Variants in MPRIP observed in about 807,000 individuals in gnomAD.
MPRIP encodes myosin phosphatase Rho interacting protein, also known as myosin phosphatase Rho-interacting protein.
Under a neutral mutation model 234.9 loss-of-function variants are expected in MPRIP, and 59 were observed. That is an observed-to-expected ratio of 0.25 (90% CI 0.20 to 0.31). The LOEUF (loss-of-function observed/expected upper bound fraction) is 0.31. Among genes scored for constraint, MPRIP ranks in the 10% least tolerant of loss-of-function variants. The pLI is 1.00. For synonymous variants in MPRIP, 1,144 were observed against 1,263.9 expected (o/e 0.91, Z 2.01); for missense variants, 2,436 against 3,071.0 (o/e 0.79, Z 4.89).
At chr17:17,112,005 G>T (rs998008858) in intron 3 of MPRIP, among the ~76,000 whole-genome samples, 11 of 152,148 alleles carry the variant, frequency 7.2e-5, no homozygotes, top group African/African-American at 2.4e-4. Context: ...ACAGTCGTCG[G>T]CACCCCACAG....
At chr17:17,153,807 T>TG (rs1050197743) in intron 12 of MPRIP, among the ~76,000 whole-genome samples, 8 of 152,114 alleles carry the variant, frequency 5.3e-5, no homozygotes, top group African/African-American at 1.9e-4. Flanking sequence ...AACAAGACCC[T>TG]GATACCCCTT....
At chr17:17,088,445 A>T (rs979876177) in intron 3 of MPRIP, among the ~76,000 whole-genome samples, 2 of 152,260 alleles carry the variant, frequency 1.3e-5, no homozygotes, top group African/African-American at 4.8e-5. Flanking sequence ...CTAATTAAGT[A>T]AGAGCGGGGA....
At chr17:17,055,602 G>T (rs981864056) in intron 1 of MPRIP, among the ~76,000 whole-genome samples, 1 of 152,180 alleles carries the variant, frequency 6.6e-6, no homozygotes, top group African/African-American at 2.4e-5. Flanking sequence ...TAAACAGGAG[G>T]AGTCTCTTCT....
chr17:17,162,363 C>G (rs1344269698), intron 15 of MPRIP, among the ~76,000 whole-genome samples: 1 of 152,236 alleles, frequency 6.6e-6, no homozygotes, highest in African/African-American at 2.4e-5. Flanking sequence ...GTGCGCTGAC[C>G]TTGGTCTGAG....
intron 3 of MPRIP, among the ~76,000 whole-genome samples, chr17:17,079,380 C>T (rs1430486905): frequency 6.6e-6 from 1 of 152,234 alleles, no homozygotes; most frequent in Admixed American, 6.5e-5. Context: ...AGGTGAGCAC[C>T]GATTGTGGAC....
chr17:17,142,264 G>A (rs1205160140), intron 7 of MPRIP: 2 of 216,074 alleles, frequency 9.3e-6, no homozygotes, highest in East Asian at 2.4e-4. Context: ...GATCCATGAG[G>A]GATGCAATGA....
At chr17:17,072,456 G>T (rs527628786) in intron 1 of MPRIP, among the ~76,000 whole-genome samples, 9 of 152,330 alleles carry the variant, frequency 5.9e-5, no homozygotes, top group African/African-American at 1.9e-4. Flanking sequence ...TGGGGTGGGG[G>T]TGGGGGGCAA....
chr17:17,056,192 G>C (rs141576943), intron 1 of MPRIP, among the ~76,000 whole-genome samples: 1 of 152,074 alleles, frequency 6.6e-6, no homozygotes, highest in Non-Finnish European at 1.5e-5. Flanking sequence ...CCCTTTTTTT[G>C]CTCCTCCTTC....
At chr17:17,111,838 T>A (rs2144288004) in intron 3 of MPRIP, among the ~76,000 whole-genome samples, 1 of 152,118 alleles carries the variant, frequency 6.6e-6, no homozygotes, top group African/African-American at 2.4e-5. Flanking sequence ...GCCCACTCAC[T>A]CTCTGTTCCC....
chr17:17,139,613 CGAAG>C (rs1229749378), intron 7 of MPRIP, among the ~76,000 whole-genome samples: 1 of 152,194 alleles, frequency 6.6e-6, no homozygotes, highest in Non-Finnish European at 1.5e-5. Context: ...TCCCGTGCCT[CGAAG>C]GGCAGGTGGA....
At position 17,164,691 on chromosome 17, in the gene MPRIP, C is replaced by G. The variant is rs2045944209; in HGVS notation, c.3100C>G (p.Gln1034Glu). 1.6e-6 allele frequency: 2 copies of G among 1,268,864 alleles called. No individual in the cohort carries two copies. The highest frequency in any genetic ancestry group is 1.6e-5 in the African/African-American group (1 of 64,000). The allele number at this position is 1,268,864 out of a possible 1,614,324, so 78.6% of individuals were successfully genotyped here. A position where few individuals can be genotyped will look rare whatever the true frequency, so the allele number is the denominator to read the frequency against. ...LLLESCEKEK[Q>E]ALLQNLKEVE... ...GCTGGAGAGCTGTGAGAAGGAGAAG[C>G]AGGCATTGCTGCAGAACCTAAAGGA... The change falls in exon 16 of 24, where the codon CAG (glutamine) becomes GAG (glutamate). Residue 1034 changes from glutamine to glutamate, a missense_variant. Around this residue, in one of 4 missense-constraint regions of MPRIP, gnomAD observed 1,998 missense variants for 2,520.3 expected, o/e 0.79. Coordinates refer to ENST00000651222, the MANE Select transcript of MPRIP (RefSeq NM_001364716.4).
Position 17,174,020 on chromosome 17 carries a change from G to A in MPRIP, c.6695G>A (p.Arg2232Gln), listed in dbSNP as rs760896387. The A allele has an allele frequency of 2.9e-5, 47 of 1,613,392 alleles. No individual in the cohort carries two copies. The highest frequency in any genetic ancestry group is 1.6e-4 in the Middle Eastern group (1 of 6,084). ...CTGGCCCAGGCGCTGGAGGCCGAGC[G>A]GCAGGCCCTGCGGCAGTGCCAGCGT... ...AHLAQALEAE[R>Q]QALRQCQREN... is the part of the protein sequence containing the mutation. The change falls in exon 19 of 24, where the codon CGG becomes CAG. Residue 2232 changes from arginine (R) to glutamine (Q), a missense_variant. Physicochemically the swap from Arg to Gln is conservative, Grantham distance 43. This residue lies in a region of MPRIP where 1,998 missense variants were observed against 2,520.3 expected (regional missense o/e 0.79). Transcript: ENST00000651222.
At chr17:17,046,913 C>T (rs908919771) in intron 1 of MPRIP, among the ~76,000 whole-genome samples, 3 of 152,230 alleles carry the variant, frequency 2.0e-5, no homozygotes, top group African/African-American at 7.2e-5. Context: ...CGCAGTGGCT[C>T]ATGCCTGTAA....
At chr17:17,099,547 A>T (rs2144206375) in intron 3 of MPRIP, among the ~76,000 whole-genome samples, 1 of 152,268 alleles carries the variant, frequency 6.6e-6, no homozygotes, top group East Asian at 1.9e-4. Flanking sequence ...GCAACATAGC[A>T]AGACCGCTGT....
intron 6 of MPRIP, among the ~76,000 whole-genome samples, chr17:17,137,512 C>CA (rs35313745): frequency 0.58 from 72,754 of 126,128 alleles, 22,363 homozygotes; most frequent in East Asian, 0.72. Flanking sequence ...GATTGCATCT[C>CA]AAAAAAAAAA....
In MPRIP at chr17:17,166,847, A is replaced by G. The variant is rs1429960383; in HGVS notation, c.5256A>G (p.Glu1752=). The G allele has an allele frequency of 7.7e-7, 1 of 1,304,140 alleles. No individual in the cohort carries two copies. Among genetic ancestry groups the G allele is most frequent in the Non-Finnish European group, 1.0e-6 (1 of 988,932 alleles). The allele number at this position is 1,304,140 out of a possible 1,614,324, so 80.8% of individuals were successfully genotyped here. ...CCTGGGACCTGAGCCCCTTAGGAGA[A>G]GTCCTGGGCCGAGACTCAGACAGCT... ...QLSWDLSPLG[E]VLGRDSDSSQ... The change falls in exon 16 of 24, where the codon GAA becomes GAG. Residue 1752 remains glutamate (E), a synonymous_variant. Transcript: ENST00000651222. The surrounding 1 kb of genome is among the most constrained non-coding windows in gnomAD (Gnocchi z 4.4).
chr17:17,130,296 G>A (rs1187128253), intron 4 of MPRIP, among the ~76,000 whole-genome samples: 2 of 152,092 alleles, frequency 1.3e-5, no homozygotes, highest in Non-Finnish European at 2.9e-5. Context: ...TCAGAAGCCA[G>A]TGATTGTGAC....
At chr17:17,050,438 G>A (rs1465855068) in intron 1 of MPRIP, among the ~76,000 whole-genome samples, 7 of 151,744 alleles carry the variant, frequency 4.6e-5, no homozygotes, top group Non-Finnish European at 7.4e-5. Context: ...TTACGTTACA[G>A]CACATTTCAG....
chr17:17,083,807 G>T (rs781225066), intron 3 of MPRIP, among the ~76,000 whole-genome samples: 1 of 152,118 alleles, frequency 6.6e-6, no homozygotes, highest in Non-Finnish European at 1.5e-5. Flanking sequence ...GCAGTGGCGT[G>T]ATCTTGGCTC....
Sources: allele counts gnomAD v4.1 joint callset (sites outside exome capture counted in the v4.1 genomes callset), GRCh38; gene constraint gnomAD v4.1.1; regional missense constraint gnomAD v4.1.1; non-coding constraint Gnocchi (gnomAD v3.1); transcripts MANE v1.5; gene names NCBI Gene and HGNC (gene_info 2026-07-23, HGNC 2026-07-21).